Variants in CEP192 observed in about 807,000 individuals in gnomAD.
CEP192 encodes the protein centrosomal protein 192.
A neutral mutation model predicts 271.8 loss-of-function variants in CEP192; 151 were observed. The observed-to-expected ratio is 0.56, with a 90% CI of 0.49 to 0.64. The LOEUF is 0.64. Ranked by LOEUF, CEP192 falls within the 30% of genes least tolerant of loss-of-function variation. The pLI, the probability that CEP192 is intolerant of heterozygous loss-of-function variation, is 0.00. For synonymous variants in CEP192, 995 were observed against 1,076.5 expected (o/e 0.92, Z 1.48); for missense variants, 2,910 against 3,020.5 (o/e 0.96, Z 0.86).
intron 30 of CEP192, among the ~76,000 whole-genome samples, chr18:13,076,802 G>A (rs949048884): frequency 1.3e-5 from 2 of 151,468 alleles, no homozygotes; most frequent in Admixed American, 6.6e-5. Flanking sequence ...TATTTATTTT[G>A]AGACATCATC....
chr18:13,115,265 G>A (rs541891357), intron 42 of CEP192, among the ~76,000 whole-genome samples: 10 of 152,294 alleles, frequency 6.6e-5, no homozygotes, highest in South Asian at 4.1e-4. Context: ...CACGGGCTGC[G>A]GGGAAACAAA....
At chr18:13,088,789 G>A (rs552242199) in intron 32 of CEP192, 2 of 272,130 alleles carry the variant, frequency 7.3e-6, no homozygotes, top group East Asian at 1.9e-4. Context: ...GAATTTAATG[G>A]CGACTTGCTA....
chr18:13,079,635 GT>G (rs1370978395), intron 30 of CEP192, among the ~76,000 whole-genome samples: 1 of 152,132 alleles, frequency 6.6e-6, no homozygotes, highest in African/African-American at 2.4e-5. Context: ...AAGCTCTTTA[GT>G]TTAATTAGAT....
intron 1 of CEP192, among the ~76,000 whole-genome samples, chr18:12,998,496 A>G (rs1396994061): frequency 2.6e-5 from 4 of 152,208 alleles, no homozygotes; most frequent in Admixed American, 6.5e-5. Flanking sequence ...GTAAAATGGG[A>G]TAATACCTAC....
At position 13,040,976 on chromosome 18, in the gene CEP192, G is replaced by A; in HGVS notation, c.1936+20G>A. 1 of 1,583,726 alleles carries A rather than the reference G, an allele frequency of 6.3e-7. No individual in the cohort carries two copies. The highest frequency in any genetic ancestry group is 8.5e-7 in the Non-Finnish European group (1 of 1,169,628). On this transcript the variant is annotated intron_variant, in intron 14 of 44. Transcript: ENST00000506447. ...ATTCAGGTAATGGATTCAATGAAGG[G>A]GCTTTTAGGAATCTTTTTTTTCTTA...
intron 1 of CEP192, among the ~76,000 whole-genome samples, chr18:12,996,996 G>T (rs1209580283): frequency 6.6e-6 from 1 of 152,092 alleles, no homozygotes; most frequent in Non-Finnish European, 1.5e-5. Flanking sequence ...AGTTCAGGGG[G>T]ATAATGGGGG....
intron 30 of CEP192, among the ~76,000 whole-genome samples, chr18:13,076,683 G>T (rs1404946171): frequency 6.6e-6 from 1 of 152,196 alleles, no homozygotes; most frequent in African/African-American, 2.4e-5. Flanking sequence ...TATGGAAAAA[G>T]AAAAATTAGA....
chr18:13,100,429 C>T lies in CEP192; in HGVS notation c.6788C>T (p.Pro2263Leu), dbSNP rs766235097. The T allele has an allele frequency of 1.2e-6, 2 of 1,613,708 alleles. No homozygotes were observed. The highest frequency in any genetic ancestry group is 8.5e-7 in the Non-Finnish European group (1 of 1,179,798). Residue 2263 changes from proline (P) to leucine (L), a missense_variant, in exon 38 of 45, where the codon CCA becomes CTA. Pro to Leu is a moderately conservative substitution (Grantham distance 98). Transcript: ENST00000506447. The part of the protein sequence containing the change: ...SEPSVSHLVK[P>L]MTKPPSTKVE... ...CCTTCAGTTAGTCATTTGGTCAAAC[C>T]AATGACAAAACCGCCTTCCACAAAA...
At position 13,049,327 on chromosome 18, in the gene CEP192, T is replaced by G; in HGVS notation, c.2536T>G (p.Tyr846Asp). The change falls in exon 16 of 45, where the codon TAT (tyrosine) becomes GAT (aspartate). Residue 846 changes from tyrosine to aspartate, a missense_variant. Tyr to Asp is a radical substitution (Grantham distance 160). Transcript: ENST00000506447. The stretch of plus-strand genomic sequence containing the variant: ...AGAAGAAAACACAGCAGCTATTGTT[T>G]ATGTTGAAAATGGAGAGAGTGAGAA... Reference protein sequence around the residue: ...APEENTAAIVYVENGESENQE... With the variant: ...APEENTAAIVDVENGESENQE... 1 of 1,614,146 alleles carries G rather than the reference T, an allele frequency of 6.2e-7. No homozygotes were observed. The highest frequency in any genetic ancestry group is 8.5e-7 in the Non-Finnish European group (1 of 1,180,012).
intron 15 of CEP192, among the ~76,000 whole-genome samples, 168 bp downstream of exon 15, chr18:13,042,502 C>T (rs927798863): frequency 4.0e-5 from 6 of 151,862 alleles, no homozygotes; most frequent in African/African-American, 9.7e-5. Context: ...GTTTTTGTGG[C>T]GATATAATAT....
chr18:13,042,055 G>A (rs556336604), intron 14 of CEP192, 149 bp from the exon 15 acceptor site: 31 of 586,540 alleles, frequency 5.3e-5, no homozygotes, highest in Non-Finnish European at 7.4e-5. Context: ...GTGACTATAC[G>A]TTTAAACCAT....
rs946018648 is a variant in CEP192, at chr18:13,019,406, A to G, written c.1050+200A>G. On this transcript the variant is annotated intron_variant, in intron 9 of 44. Coordinates refer to ENST00000506447, the MANE Select transcript of CEP192 (RefSeq NM_032142.4). ...TACATTTTCTTGCATTTAAATATTT[A>G]TTGACTTGCATTTAGATTAGTCATT... is the stretch of plus-strand genomic sequence containing the variant. 2.9e-4 allele frequency among the ~76,000 whole-genome samples: 44 copies of G among 152,304 alleles called. No homozygotes were observed. In the Middle Eastern group the frequency reaches 0.014, roughly 47 times the overall value.
At position 13,100,620 on chromosome 18, in the gene CEP192, G is replaced by C. The variant is rs2039660961; in HGVS notation, c.6871+108G>C. On this transcript the variant is annotated intron_variant, in intron 38 of 44. Transcript: ENST00000506447. ...TAAATATAAATTTCCTCCTACTTCA[G>C]GAGAAAAGTGGTCATTAGCAGTCAT... 15 of 802,810 alleles carry C rather than the reference G, an allele frequency of 1.9e-5. 2 individuals are homozygous for C. The South Asian group carries it at 2.6e-4, about 14-fold the overall frequency. 49.7% of individuals were successfully genotyped at this position (802,810 alleles called of 1,614,324 possible).
intron 33 of CEP192, 44 bp downstream of exon 33, chr18:13,089,609 A>C (rs1402681629): frequency 5.4e-6 from 5 of 922,806 alleles, no homozygotes; most frequent in Non-Finnish European, 5.2e-6. Flanking sequence ...CTTTTGGGTC[A>C]TTTATAGTAT....
intron 28 of CEP192, among the ~76,000 whole-genome samples, 168 bp downstream of exon 28, chr18:13,071,380 C>CAT (rs757843461): frequency 2.6e-5 from 4 of 152,198 alleles, no homozygotes; most frequent in Non-Finnish European, 5.9e-5. Flanking sequence ...TTTTCTTTAA[C>CAT]ATATATTCCA....
In CEP192 at chr18:13,103,603, C is replaced by T. The variant is rs1289453164; in HGVS notation, c.6951+15C>T. On this transcript the variant is annotated intron_variant, in intron 39 of 44. Coordinates refer to ENST00000506447, the MANE Select transcript of CEP192 (RefSeq NM_032142.4). ...CTTATGTCAAGGTCAGTCATGACTG[C>T]CTCAGATATAATCGTTTTAATGTTT... 1 of 1,581,356 alleles carries T rather than the reference C, an allele frequency of 6.3e-7. No homozygotes were observed.
chr18:13,124,763 A>G lies in CEP192; in HGVS notation c.7607A>G (p.Lys2536Arg), dbSNP rs141334838. Reference sequence around the variant, plus strand: ...CGACTAATTGGTGAAGCTCTTGGAAAAAATTAACTAGAATACATTTTTGTG... The same window carrying G: ...CGACTAATTGGTGAAGCTCTTGGAAGAAATTAACTAGAATACATTTTTGTG... Reference protein sequence around the residue: ...AIRLIGEALGKN With the variant: ...AIRLIGEALGRN Residue 2536 changes from lysine to arginine, a missense_variant, in exon 45 of 45, where the codon AAA (lysine) becomes AGA (arginine). By Grantham distance (26) the Lys-to-Arg change is conservative. Coordinates refer to ENST00000506447, the MANE Select transcript of CEP192 (RefSeq NM_032142.4). The G allele has an allele frequency of 3.1e-6, 5 of 1,603,686 alleles. No individual in the cohort carries two copies. The highest frequency in any genetic ancestry group is 3.4e-6 in the Non-Finnish European group (4 of 1,171,620).
intron 27 of CEP192, 94 bp from the exon 28 acceptor site, chr18:13,070,945 C>T: frequency 4.1e-6 from 4 of 975,948 alleles, no homozygotes; most frequent in Non-Finnish European, 6.3e-6. Context: ...TCCCCAGCAC[C>T]CAGTTCAGTC....
chr18:13,019,330 TACTC>T (rs1316606460), intron 9 of CEP192, 124 bp downstream of exon 9: 3 of 723,242 alleles, frequency 4.1e-6, no homozygotes, highest in Middle Eastern at 4.1e-4. Context: ...ACAGAAAAAG[TACTC>T]ACTACTGATA....
Sources: allele counts gnomAD v4.1 joint callset (sites outside exome capture counted in the v4.1 genomes callset), GRCh38; gene constraint gnomAD v4.1.1; transcripts MANE v1.5; gene names NCBI Gene and HGNC (gene_info 2026-07-23, HGNC 2026-07-21).